The following ARSJ variants were observed in gnomAD, a reference collection of about 807,000 sequenced individuals.
ARSJ encodes the protein arylsulfatase family member J.
In ARSJ, 26 loss-of-function variants were observed where a neutral mutation model predicts 35.9. The observed-to-expected ratio is 0.72, with a 90% confidence interval of 0.53 to 1.00. ARSJ has a LOEUF of 1.00. ARSJ is among the 50% of genes least tolerant of loss of function. ARSJ has a pLI of 0.00. For synonymous variants in ARSJ, 294 were observed against 267.6 expected (o/e 1.10, Z -0.96); for missense variants, 667 against 723.6 (o/e 0.92, Z 0.90).
intron 1 of ARSJ, among the ~76,000 whole-genome samples, chr4:113,933,510 TG>T (rs1233927754): frequency 6.6e-6 from 1 of 151,782 alleles, no homozygotes; most frequent in African/African-American, 2.4e-5. Context: ...TATGATCAAG[TG>T]GGATTTCATC....
Position 113,922,693 on chromosome 4 carries a change from T to C in ARSJ, c.399-19018A>G, listed in dbSNP as rs146741202. On this transcript the variant is annotated intron_variant, in intron 1 of 1. Transcript: ENST00000315366. ...ACAGTAATATGAAACAGTGTAACAA[T>C]TTAGAATGCTCTATCTGGTGATTTG... 3.3e-3 allele frequency among the ~76,000 whole-genome samples: 503 copies of C among 152,316 alleles called. 2 individuals are homozygous for C. The highest frequency in any genetic ancestry group is 0.012 in the African/African-American group (484 of 41,588).
chr4:113,933,678 C>G (rs1014037986), intron 1 of ARSJ, among the ~76,000 whole-genome samples: 1 of 151,684 alleles, frequency 6.6e-6, no homozygotes, highest in Non-Finnish European at 1.5e-5. Context: ...CGATAAAATT[C>G]AACATATGAC....
At chr4:113,927,222 T>C (rs1382267020) in intron 1 of ARSJ, among the ~76,000 whole-genome samples, 1 of 152,114 alleles carries the variant, frequency 6.6e-6, no homozygotes, top group African/African-American at 2.4e-5. Context: ...TCCTTCACCT[T>C]AGAAGGAATA....
intron 1 of ARSJ, among the ~76,000 whole-genome samples, chr4:113,952,631 T>C (rs1173679063): frequency 6.6e-6 from 1 of 151,994 alleles, no homozygotes; most frequent in Non-Finnish European, 1.5e-5. Context: ...AAGCAGTCAC[T>C]AGAGGGAAAT....
In ARSJ at chr4:113,960,597, T is replaced by C. The variant is rs76974410; in HGVS notation, c.398+17840A>G. Among the ~76,000 whole-genome samples the C allele has an allele frequency of 0.013, 1,946 of 152,238 alleles. 108 individuals are homozygous for C. In the East Asian group the frequency reaches 0.15, roughly 11 times the overall value. ...AAAAAAGAATCAAAGAATTTTCTTA[T>C]AAAAGATGTGTTTAATAGATCTGTA... On this transcript the variant is annotated intron_variant, in intron 1 of 1. Transcript: ENST00000315366.
chr4:113,961,973 C>T (rs1726575804), intron 1 of ARSJ, among the ~76,000 whole-genome samples: 1 of 151,216 alleles, frequency 6.6e-6, no homozygotes, highest in South Asian at 2.1e-4. Flanking sequence ...AATCAATAGT[C>T]TGAAGTAGCA....
intron 1 of ARSJ, among the ~76,000 whole-genome samples, chr4:113,926,825 G>C (rs1724100831): frequency 6.6e-6 from 1 of 152,150 alleles, no homozygotes; most frequent in Non-Finnish European, 1.5e-5. Flanking sequence ...AACAGGCCAA[G>C]AGCTGTCCCT....
intron 1 of ARSJ, among the ~76,000 whole-genome samples, chr4:113,971,710 T>C (rs4612001): frequency 3.9e-5 from 6 of 152,116 alleles, no homozygotes; most frequent in Non-Finnish European, 8.8e-5. Context: ...TACATTTTTC[T>C]AAATGTTTAA....
intron 1 of ARSJ, among the ~76,000 whole-genome samples, chr4:113,951,207 A>T (rs1209878736): frequency 1.3e-5 from 2 of 152,122 alleles, no homozygotes; most frequent in Non-Finnish European, 2.9e-5. Flanking sequence ...GTTTACTAAT[A>T]TAAGGTTCTC....
At chr4:113,974,117 A>G (rs1246824170) in intron 1 of ARSJ, among the ~76,000 whole-genome samples, 2 of 152,198 alleles carry the variant, frequency 1.3e-5, no homozygotes, top group Non-Finnish European at 2.9e-5. Context: ...ACTCTCATTT[A>G]CACCATACTA....
chr4:113,907,425 A>G (rs1016488042), intron 1 of ARSJ, among the ~76,000 whole-genome samples: 6 of 152,200 alleles, frequency 3.9e-5, no homozygotes, highest in African/African-American at 1.4e-4. Context: ...GCTGCCTATT[A>G]TTCTTTTTCA....
rs538183628 is a variant in ARSJ at position 113,931,420 on chromosome 4, T to C, written c.399-27745A>G. ...ACATAAAGGGTACAGAAGAAGGAGG[T>C]TATTTGAGCTATGAAAGGAGCAGCT... On this transcript the variant is annotated intron_variant, in intron 1 of 1. Coordinates refer to ENST00000315366, the MANE Select transcript of ARSJ (RefSeq NM_024590.4). 5.1e-4 allele frequency among the ~76,000 whole-genome samples: 78 copies of C among 151,544 alleles called. 1 individual carries two copies. The highest frequency in any genetic ancestry group is 1.6e-3 in the African/African-American group (65 of 41,342).
intron 1 of ARSJ, among the ~76,000 whole-genome samples, chr4:113,920,581 A>G (rs1372765308): frequency 2.0e-5 from 3 of 152,122 alleles, no homozygotes; most frequent in Non-Finnish European, 4.4e-5. Context: ...TTAGCCACTA[A>G]AAGCTGAAAT....
intron 1 of ARSJ, among the ~76,000 whole-genome samples, chr4:113,909,217 C>T (rs887156760): frequency 6.6e-6 from 1 of 152,010 alleles, no homozygotes; most frequent in Admixed American, 6.6e-5. Context: ...TTCAACTCCT[C>T]TCTGTTTTAT....
At chr4:113,950,578 GA>G (rs1472678956) in intron 1 of ARSJ, among the ~76,000 whole-genome samples, 1 of 152,030 alleles carries the variant, frequency 6.6e-6, no homozygotes, top group Non-Finnish European at 1.5e-5. Flanking sequence ...TAAGATGAGG[GA>G]AAGGGAAGAA....
At position 113,958,798 on chromosome 4, in the gene ARSJ, A is replaced by G. The variant is rs115833205; in HGVS notation, c.398+19639T>C. ...TTTCTTTAATCTTCTACTTTCCACT[A>G]ATTTCCCTATATTTTCTCCTCAGCC... On this transcript the variant is annotated intron_variant, in intron 1 of 1. Transcript: ENST00000315366. Among the ~76,000 whole-genome samples, 1,111 of 151,952 alleles carry G rather than the reference A, an allele frequency of 7.3e-3. 12 individuals carry two copies. The highest frequency in any genetic ancestry group is 0.026 in the African/African-American group (1,068 of 41,474).
rs1437707881 is a variant in ARSJ at position 113,924,012 on chromosome 4, A to G, written c.399-20337T>C. Among the ~76,000 whole-genome samples, 27 of 142,948 alleles carry G rather than the reference A, an allele frequency of 1.9e-4. 1 individual carries two copies. Among genetic ancestry groups the G allele is most frequent in the African/African-American group, 7.0e-4 (27 of 38,710 alleles). 93.8% of individuals were successfully genotyped at this position (142,948 alleles called of 152,430 possible). On this transcript the variant is annotated intron_variant, in intron 1 of 1. Transcript: ENST00000315366. The stretch of plus-strand genomic sequence containing the variant: ...TAATAATAAATAGAATCTACTATCT[A>G]TAGAATCTACATATATATATATAAA...
At chr4:113,940,344 A>G (rs1444671198) in intron 1 of ARSJ, among the ~76,000 whole-genome samples, 1 of 152,154 alleles carries the variant, frequency 6.6e-6, no homozygotes, top group Non-Finnish European at 1.5e-5. Context: ...TTGCAGGGAC[A>G]TGGATGGAGC....
intron 1 of ARSJ, among the ~76,000 whole-genome samples, chr4:113,965,569 T>C (rs914769787): frequency 1.3e-5 from 2 of 152,040 alleles, no homozygotes; most frequent in Admixed American, 6.6e-5. Context: ...GATACAGATA[T>C]AGATATACAC....
Sources: gnomAD v4.1 joint callset for allele counts (sites outside exome capture counted in the v4.1 genomes callset) on GRCh38, gnomAD v4.1.1 for gene constraint, MANE v1.5 for transcripts, NCBI Gene and HGNC (gene_info 2026-07-23, HGNC 2026-07-21) for gene names.